The following UBAC2 variants were observed in gnomAD, a reference collection of about 807,000 sequenced individuals.
UBAC2 encodes the protein ubiquitin-associated domain-containing protein 2.
UBAC2 carries 26 observed loss-of-function variants against 44.0 expected under a neutral mutation model. That is an observed-to-expected ratio of 0.59 (90% CI 0.43 to 0.82). The LOEUF (loss-of-function observed/expected upper bound fraction) is 0.82, where lower values mean the gene tolerates loss of function less well. Ranked by LOEUF, UBAC2 falls within the 40% of genes least tolerant of loss-of-function variation. The pLI, the probability that UBAC2 is intolerant of heterozygous loss-of-function variation, is 0.00. For synonymous variants in UBAC2, 155 were observed against 154.3 expected (o/e 1.00, Z -0.04); for missense variants, 329 against 419.4 (o/e 0.78, Z 1.88).
At chr13:99,325,184 GCTCCAC>G (rs2044622871) in intron 6 of UBAC2, among the ~76,000 whole-genome samples, 1 of 142,480 alleles carries the variant, frequency 7.0e-6, no homozygotes, top group African/African-American at 2.6e-5. Flanking sequence ...TTCACCGCAA[GCTCCAC>G]CTCCCGGGTT....
intron 4 of UBAC2, chr13:99,296,196 A>G: frequency 6.7e-7 from 1 of 1,503,604 alleles, no homozygotes; most frequent in Non-Finnish European, 8.9e-7. Context: ...CATATAAGTA[A>G]AAGCATATGT....
chr13:99,207,135 CTGAG>C (rs2042882236), intron 1 of UBAC2, among the ~76,000 whole-genome samples: 1 of 152,236 alleles, frequency 6.6e-6, no homozygotes, highest in Admixed American at 6.5e-5. Context: ...GCACCCCTCC[CTGAG>C]TTGGGAGTCT....
chr13:99,360,009 A>G (rs1467005317), intron 7 of UBAC2, among the ~76,000 whole-genome samples: 3 of 152,278 alleles, frequency 2.0e-5, no homozygotes, highest in Admixed American at 6.5e-5. Context: ...AATGGCCAAC[A>G]GTCTTAAAAT....
intron 8 of UBAC2, among the ~76,000 whole-genome samples, chr13:99,368,688 A>AGTGTGGGTGTGTGTGT (rs1555332920): frequency 6.8e-6 from 1 of 146,596 alleles, no homozygotes; most frequent in Non-Finnish European, 1.5e-5. Context: ...CTCATGAGAG[A>AGTGTGGGTGTGTGTGT]GTGTGTGTGT....
intron 1 of UBAC2, among the ~76,000 whole-genome samples, chr13:99,226,859 C>A (rs1427118238): frequency 6.6e-6 from 1 of 152,188 alleles, no homozygotes; most frequent in Non-Finnish European, 1.5e-5. Flanking sequence ...GGTCTCTGCT[C>A]AAATCCACAT....
At chr13:99,243,371 A>G (rs554569147) in intron 2 of UBAC2, among the ~76,000 whole-genome samples, 1 of 151,790 alleles carries the variant, frequency 6.6e-6, no homozygotes, top group Admixed American at 6.6e-5. Flanking sequence ...ATTACTTTGC[A>G]TAGTTGCTAT....
rs535796753 is a variant in UBAC2 at position 99,330,935 on chromosome 13, G to A, written c.562-9385G>A. 2.0e-5 allele frequency among the ~76,000 whole-genome samples: 3 copies of A among 152,272 alleles called. No homozygotes were observed. In the East Asian group the frequency reaches 5.8e-4, roughly 29 times the overall value. On this transcript the variant is annotated intron_variant, in intron 6 of 8. Transcript: ENST00000403766. Reference sequence around the variant, plus strand: ...AAAGTGCATGTAACTTTTAAAGGAGGATGGTCCGCTTGTTAAAATGGATAT... The same window carrying A: ...AAAGTGCATGTAACTTTTAAAGGAGAATGGTCCGCTTGTTAAAATGGATAT...
At position 99,309,560 on chromosome 13, in the gene UBAC2, G is replaced by C. The variant is rs115171946; in HGVS notation, c.390-4537G>C. 6.4e-3 allele frequency among the ~76,000 whole-genome samples: 967 copies of C among 152,278 alleles called. 6 individuals carry two copies. Among genetic ancestry groups the C allele is most frequent in the African/African-American group, 0.023 (938 of 41,554 alleles). On this transcript the variant is annotated intron_variant, in intron 4 of 8. Coordinates refer to ENST00000403766, the MANE Select transcript of UBAC2 (RefSeq NM_001144072.2). ...GTTGAAAGTTACCAGGGTTTCTTGA[G>C]TTGTGATTGTACTGTAAAAGTAGAG...
chr13:99,289,940 C>G (rs768463679), intron 4 of UBAC2, among the ~76,000 whole-genome samples: 1 of 152,236 alleles, frequency 6.6e-6, no homozygotes, highest in Non-Finnish European at 1.5e-5. Context: ...GTCACCTGCT[C>G]TTCCTCCCCA....
intron 8 of UBAC2, among the ~76,000 whole-genome samples, chr13:99,375,665 G>A (rs980457594): frequency 6.6e-6 from 1 of 152,188 alleles, no homozygotes; most frequent in East Asian, 1.9e-4. Context: ...ACCAAAAGGA[G>A]TCTTTCACTG....
At chr13:99,335,709 A>C (rs1397507528) in intron 6 of UBAC2, among the ~76,000 whole-genome samples, 4 of 152,216 alleles carry the variant, frequency 2.6e-5, no homozygotes, top group Non-Finnish European at 5.9e-5. Context: ...CCCACTCTGC[A>C]GCTGTTCCCC....
chr13:99,238,390 A>G, intron 1 of UBAC2, 37 bp from the exon 2 acceptor site: 1 of 1,604,298 alleles, frequency 6.2e-7, no homozygotes, highest in Non-Finnish European at 8.5e-7. Flanking sequence ...AATCTTAGGA[A>G]CAATCATTCT....
chr13:99,380,553 T>C (rs769342102), intron 8 of UBAC2, among the ~76,000 whole-genome samples: 5 of 152,228 alleles, frequency 3.3e-5, no homozygotes, highest in Non-Finnish European at 7.3e-5. Context: ...CTTGGCTAAC[T>C]TGCACGGCTG....
chr13:99,216,054 T>C (rs957881063), intron 1 of UBAC2, among the ~76,000 whole-genome samples: 6 of 151,540 alleles, frequency 4.0e-5, no homozygotes, highest in Non-Finnish European at 5.9e-5. Context: ...AAAGGTAAAA[T>C]GGCAATTACT....
chr13:99,223,952 C>T (rs1047318190), intron 1 of UBAC2, among the ~76,000 whole-genome samples: 4 of 152,080 alleles, frequency 2.6e-5, no homozygotes, highest in Non-Finnish European at 5.9e-5. Flanking sequence ...AAATGTGTAA[C>T]TTGCCGTTGT....
In UBAC2 at chr13:99,295,388, A is replaced by T; in HGVS notation, c.390-18709A>T. 1 of 1,614,118 alleles carries T rather than the reference A, an allele frequency of 6.2e-7. No homozygotes were observed. The highest frequency in any genetic ancestry group is 8.5e-7 in the Non-Finnish European group (1 of 1,179,992). On this transcript the variant is annotated intron_variant, in intron 4 of 8. Transcript: ENST00000403766. This position sits in a 1 kb window ranked among gnomAD's most constrained non-coding sequence, Gnocchi z 4.1. ...ATGGTAAGGTGTGAAACAGAGAACA[A>T]ACACAACAATAATAAGAATAATTGT... is the stretch of plus-strand genomic sequence containing the variant.
intron 6 of UBAC2, among the ~76,000 whole-genome samples, chr13:99,319,359 T>G (rs1253809496): frequency 6.6e-6 from 1 of 152,208 alleles, no homozygotes. Context: ...ACAGAATGGA[T>G]TCATAATAAT....
At chr13:99,302,387 C>T (rs1184561049) in intron 4 of UBAC2, among the ~76,000 whole-genome samples, 3 of 152,166 alleles carry the variant, frequency 2.0e-5, no homozygotes, top group Non-Finnish European at 4.4e-5. Flanking sequence ...TAAAGATAAG[C>T]ACAGATGTAT....
intron 4 of UBAC2, among the ~76,000 whole-genome samples, chr13:99,253,940 A>G (rs550719018): frequency 6.6e-6 from 1 of 152,342 alleles, no homozygotes; most frequent in East Asian, 1.9e-4. Flanking sequence ...TTACTTCCAT[A>G]AGTATTCAGG....
Sources: allele counts gnomAD v4.1 joint callset (sites outside exome capture counted in the v4.1 genomes callset), GRCh38; gene constraint gnomAD v4.1.1; non-coding constraint Gnocchi (gnomAD v3.1); transcripts MANE v1.5; gene names NCBI Gene and HGNC (gene_info 2026-07-23, HGNC 2026-07-21).